The following MTUS1 variants were observed in gnomAD, a reference collection of about 807,000 sequenced individuals.
The protein encoded by MTUS1 is microtubule associated scaffold protein 1.
In MTUS1, 109 loss-of-function variants were observed where a neutral mutation model predicts 120.8. The ratio of observed to expected loss-of-function variants is 0.90; its 90% confidence interval spans 0.77 to 1.06. MTUS1 has a LOEUF of 1.06. Ranked by LOEUF, MTUS1 falls within the 50% of genes least tolerant of loss-of-function variation. MTUS1 has a pLI of 0.00. For synonymous variants in MTUS1, 737 were observed against 550.5 expected, an observed-to-expected ratio of 1.34 and a Z score of -4.74; for missense variants, 2,210 against 1,486.3, an observed-to-expected ratio of 1.49 and a Z score of -8.01.
chr8:17,785,142 C>T (rs1039629259), intron 1 of MTUS1, among the ~76,000 whole-genome samples: 2 of 151,316 alleles, frequency 1.3e-5, no homozygotes, highest in African/African-American at 4.9e-5. Flanking sequence ...TCACATGCAG[C>T]TTCTTTGCTA....
chr8:17,650,418 T>G (rs2130093896), intron 12 of MTUS1, among the ~76,000 whole-genome samples: 1 of 152,312 alleles, frequency 6.6e-6, no homozygotes, highest in South Asian at 2.1e-4. Flanking sequence ...CCTGAGTGTT[T>G]GGATTTTTGT....
intron 4 of MTUS1, among the ~76,000 whole-genome samples, chr8:17,717,364 A>C (rs917477751): frequency 6.6e-6 from 1 of 152,170 alleles, no homozygotes; most frequent in African/African-American, 2.4e-5. Context: ...TACAACATTC[A>C]ACAGAACCCT....
At chr8:17,713,826 C>T (rs1821804951) in intron 5 of MTUS1, among the ~76,000 whole-genome samples, 1 of 152,216 alleles carries the variant, frequency 6.6e-6, no homozygotes, top group Non-Finnish European at 1.5e-5. Context: ...TCTGCAGATA[C>T]CAGTTAGAAC....
intron 8 of MTUS1, among the ~76,000 whole-genome samples, chr8:17,672,402 T>G (rs1429414583): frequency 6.6e-6 from 1 of 152,184 alleles, no homozygotes; most frequent in East Asian, 1.9e-4. Flanking sequence ...CAAAGTGACT[T>G]GTCCTAAGTC....
intron 8 of MTUS1, among the ~76,000 whole-genome samples, chr8:17,660,643 C>T (rs1809478173): frequency 6.6e-6 from 1 of 152,160 alleles, no homozygotes; most frequent in Non-Finnish European, 1.5e-5. Context: ...TTCTACATTC[C>T]CATCAGCAGT....
At chr8:17,765,798 T>C (rs996429025) in intron 1 of MTUS1, among the ~76,000 whole-genome samples, 2 of 151,786 alleles carry the variant, frequency 1.3e-5, no homozygotes, top group African/African-American at 4.8e-5. Flanking sequence ...AAGGACAGTA[T>C]ACTCTCAATT....
intron 3 of MTUS1, among the ~76,000 whole-genome samples, chr8:17,742,288 G>GT (rs1362170650): frequency 0.015 from 1,004 of 67,484 alleles, 26 homozygotes; most frequent in East Asian, 0.065. Flanking sequence ...TTTTGTTGTT[G>GT]TTGTTTTTTT....
intron 4 of MTUS1, chr8:17,721,803 C>G (rs767875313): frequency 1.9e-6 from 3 of 1,613,972 alleles, no homozygotes; most frequent in Non-Finnish European, 2.5e-6. Context: ...CATCATAGTG[C>G]CTCTCTGAAC....
chr8:17,705,010 G>A (rs1819875887), intron 6 of MTUS1, among the ~76,000 whole-genome samples: 1 of 152,092 alleles, frequency 6.6e-6, no homozygotes, highest in African/African-American at 2.4e-5. Flanking sequence ...TTGAGACGGA[G>A]TCTTGCTCTG....
Position 17,653,453 on chromosome 8 carries a change from A to C in MTUS1, c.3260T>G (p.Leu1087Ter). ...HEIEKKSLEDLLSEKQESLEK... is the reference protein window; with the variant it reads ...HEIEKKSLED ...TAGCGATTCCTGCTTCTCAGAAAGT[A>C]AATCTTCAAGCGATTTCTTTTCTAT... The change falls in exon 11 of 15, where the codon TTA becomes TGA. Residue 1087 changes from leucine (L) to a stop codon, truncating the protein, a stop_gained. Coordinates refer to ENST00000693296, the MANE Select transcript of MTUS1 (RefSeq NM_001363059.2). LOFTEE classifies it high-confidence loss of function. 1 of 1,612,448 alleles carries C rather than the reference A, an allele frequency of 6.2e-7. No homozygotes were observed. Among genetic ancestry groups the C allele is most frequent in the Non-Finnish European group, 8.5e-7 (1 of 1,179,346 alleles).
intron 8 of MTUS1, among the ~76,000 whole-genome samples, chr8:17,668,896 G>C (rs77673363): frequency 6.6e-6 from 1 of 152,156 alleles, no homozygotes; most frequent in African/African-American, 2.4e-5. Context: ...GTTTGTCATA[G>C]AAATGTTAAA....
chr8:17,758,566 T>C (rs975463387), intron 1 of MTUS1, among the ~76,000 whole-genome samples: 3 of 152,242 alleles, frequency 2.0e-5, no homozygotes, highest in Non-Finnish European at 1.5e-5. Flanking sequence ...CCAAGCTAAA[T>C]GTTTAAATCA....
rs1241987280 is a variant in MTUS1 at position 17,723,683 on chromosome 8, T to G, written c.2438A>C (p.Tyr813Ser). Residue 813 changes from tyrosine to serine, a missense_variant, in exon 4 of 15, where the codon TAC becomes TCC. Physicochemically the swap from Tyr to Ser is moderately radical, Grantham distance 144. Transcript: ENST00000693296. ...IASTHSELST[Y>S]SNNSGNAAVI... is the part of the protein sequence containing the mutation. ...TAAAGTCGACTTACAATTGTTGCTG[T>G]AAGTGCTCAGCTCACTGTGGGTGCT... is the stretch of plus-strand genomic sequence containing the variant. 5 of 1,610,436 alleles carry G rather than the reference T, an allele frequency of 3.1e-6. No homozygotes were observed. In the Admixed American group the frequency reaches 8.3e-5, roughly 27 times the overall value.
intron 5 of MTUS1, 120 bp downstream of exon 5, chr8:17,715,647 C>T (rs1822172057): frequency 1.9e-6 from 2 of 1,056,312 alleles, no homozygotes; most frequent in Admixed American, 2.6e-5. Context: ...TCTCCTTTCT[C>T]AACATATTTG....
At chr8:17,775,393 G>C (rs1198641909) in intron 1 of MTUS1, among the ~76,000 whole-genome samples, 1 of 152,058 alleles carries the variant, frequency 6.6e-6, no homozygotes, top group Non-Finnish European at 1.5e-5. Context: ...CCGGGATCCT[G>C]AAACTTCAGG....
intron 6 of MTUS1, 122 bp downstream of exon 6, chr8:17,713,092 T>C: frequency 1.2e-6 from 1 of 813,460 alleles, no homozygotes; most frequent in East Asian, 2.5e-5. Context: ...AAAGTTAGGT[T>C]TACACCTCAA....
intron 6 of MTUS1, chr8:17,706,068 G>C (rs1049851613): frequency 6.6e-6 from 1 of 152,034 alleles, no homozygotes; most frequent in Non-Finnish European, 1.5e-5. Context: ...GTTGGTTCTT[G>C]ACTTTAAGCA....
At chr8:17,716,101 G>A (rs539978439) in intron 4 of MTUS1, among the ~76,000 whole-genome samples, 200 bp from the exon 5 acceptor site, 26 of 152,280 alleles carry the variant, frequency 1.7e-4, no homozygotes, top group Admixed American at 7.2e-4. Context: ...TAATCAGAGT[G>A]ACCACACATC....
At chr8:17,751,719 G>A (rs1313101103) in intron 2 of MTUS1, among the ~76,000 whole-genome samples, 2 of 151,894 alleles carry the variant, frequency 1.3e-5, no homozygotes, top group Admixed American at 6.6e-5. Flanking sequence ...TTAGCTGGAT[G>A]TGGTGGTGCA....
Sources: allele counts gnomAD v4.1 joint callset (sites outside exome capture counted in the v4.1 genomes callset), GRCh38; gene constraint gnomAD v4.1.1; transcripts MANE v1.5; gene names NCBI Gene and HGNC (gene_info 2026-07-23, HGNC 2026-07-21).